RBMS1: variants seen among roughly 807,000 people sequenced by gnomAD.
RBMS1 encodes the protein RNA binding motif single stranded interacting protein 1.
A neutral mutation model predicts 62.3 loss-of-function variants in RBMS1; 17 were observed. The ratio of observed to expected loss-of-function variants is 0.27; its 90% CI spans 0.19 to 0.41. The LOEUF is 0.41. Among genes scored for constraint, RBMS1 ranks in the 10% least tolerant of loss-of-function variants. RBMS1 has a pLI of 1.00. For synonymous variants in RBMS1, 172 were observed against 170.0 expected (o/e 1.01, Z -0.09); for missense variants, 334 against 504.5 (o/e 0.66, Z 3.24).
intron 1 of RBMS1, among the ~76,000 whole-genome samples, chr2:160,481,440 T>C (rs976169688): frequency 4.6e-5 from 7 of 150,952 alleles, no homozygotes; most frequent in Admixed American, 2.0e-4. Flanking sequence ...TCATAAAAGA[T>C]TGGTAAATTT....
At chr2:160,411,084 G>A (rs1417140922) in intron 1 of RBMS1, among the ~76,000 whole-genome samples, 5 of 152,134 alleles carry the variant, frequency 3.3e-5, no homozygotes. Flanking sequence ...TGCTGCCTGG[G>A]CTGTCCTATG....
At chr2:160,438,929 G>A (rs1241281101) in intron 1 of RBMS1, among the ~76,000 whole-genome samples, 1 of 150,310 alleles carries the variant, frequency 6.7e-6, no homozygotes, top group Non-Finnish European at 1.5e-5. Flanking sequence ...GCGGCTGGCC[G>A]GGCAGAGGGG....
intron 2 of RBMS1, among the ~76,000 whole-genome samples, chr2:160,337,782 C>T (rs1691658234): frequency 6.6e-6 from 1 of 152,136 alleles, no homozygotes; most frequent in Admixed American, 6.5e-5. Context: ...AATTTAACCA[C>T]ATGATGTTAG....
intron 7 of RBMS1, 27 bp from the exon 8 acceptor site, chr2:160,285,071 C>A: frequency 6.3e-7 from 1 of 1,598,778 alleles, no homozygotes; most frequent in Non-Finnish European, 8.6e-7. Flanking sequence ...GAAATATAAA[C>A]ATTCATCTAG....
chr2:160,393,690 G>A (rs532964214), intron 1 of RBMS1, among the ~76,000 whole-genome samples: 14 of 151,204 alleles, frequency 9.3e-5, no homozygotes, highest in South Asian at 4.2e-4. Context: ...GGCAGGAGAC[G>A]CACTTGAATC....
At chr2:160,349,318 T>C (rs1403312796) in intron 2 of RBMS1, among the ~76,000 whole-genome samples, 3 of 152,170 alleles carry the variant, frequency 2.0e-5, no homozygotes, top group African/African-American at 7.2e-5. Context: ...CACTGCTTAA[T>C]AGATGTATTT....
chr2:160,287,549 T>C (rs1271302114), intron 6 of RBMS1, among the ~76,000 whole-genome samples: 2 of 152,248 alleles, frequency 1.3e-5, no homozygotes, highest in Non-Finnish European at 2.9e-5. Context: ...TGCTCGCACA[T>C]ATATTTTTAT....
intron 1 of RBMS1, among the ~76,000 whole-genome samples, chr2:160,482,528 GA>G (rs1685413407): frequency 6.6e-6 from 1 of 152,126 alleles, no homozygotes; most frequent in African/African-American, 2.4e-5. Flanking sequence ...AGTATTTACT[GA>G]ATTTAATTAA....
At chr2:160,310,021 A>C in intron 4 of RBMS1, among the ~76,000 whole-genome samples, 1 of 152,294 alleles carries the variant, frequency 6.6e-6, no homozygotes, top group Non-Finnish European at 1.5e-5. Flanking sequence ...TTAACATCAT[A>C]ATCTGTTCCT....
At chr2:160,339,718 A>T (rs147027884) in intron 2 of RBMS1, among the ~76,000 whole-genome samples, 292 of 152,248 alleles carry the variant, frequency 1.9e-3, no homozygotes, top group African/African-American at 6.4e-3. Context: ...ATATATATAC[A>T]CACACATACA....
chr2:160,337,766 T>C (rs1691657002), intron 2 of RBMS1, among the ~76,000 whole-genome samples: 1 of 152,134 alleles, frequency 6.6e-6, no homozygotes, highest in Non-Finnish European at 1.5e-5. Flanking sequence ...TTGTCTGAGA[T>C]ACCAAAATTT....
intron 2 of RBMS1, among the ~76,000 whole-genome samples, chr2:160,339,268 TG>T (rs932510743): frequency 1.3e-5 from 2 of 152,216 alleles, no homozygotes; most frequent in African/African-American, 4.8e-5. Flanking sequence ...CTGAAACAAA[TG>T]TTTTCATTTT....
intron 3 of RBMS1, 45 bp from the exon 4 acceptor site, chr2:160,313,292 G>A (rs547986209): frequency 2.5e-6 from 4 of 1,579,320 alleles, no homozygotes; most frequent in Non-Finnish European, 3.5e-6. Flanking sequence ...TTATTCTGTG[G>A]TTAGGTAAAA....
At chr2:160,489,412 G>T (rs983072655) in intron 1 of RBMS1, among the ~76,000 whole-genome samples, 2 of 152,128 alleles carry the variant, frequency 1.3e-5, no homozygotes, top group Non-Finnish European at 2.9e-5. Context: ...TATTATGCCT[G>T]TGTACTTCCA....
At chr2:160,303,928 A>G (rs1024433770) in intron 4 of RBMS1, among the ~76,000 whole-genome samples, 5 of 152,196 alleles carry the variant, frequency 3.3e-5, no homozygotes, top group African/African-American at 1.2e-4. Context: ...CTAGCATCCA[A>G]TAGGGATCTG....
chr2:160,307,361 G>GA (rs762396045), intron 4 of RBMS1, among the ~76,000 whole-genome samples: 12,848 of 85,656 alleles, frequency 0.15, 1,187 homozygotes, highest in East Asian at 0.27. Flanking sequence ...CCTATTTATT[G>GA]AAAAAAAAAA....
At chr2:160,377,346 CAG>C (rs1476521665) in intron 1 of RBMS1, among the ~76,000 whole-genome samples, 1 of 152,148 alleles carries the variant, frequency 6.6e-6, no homozygotes, top group African/African-American at 2.4e-5. Context: ...GGTTAAAAAA[CAG>C]TGGTCAGCAG....
At chr2:160,313,072 C>T (rs1262992751) in intron 4 of RBMS1, 84 bp downstream of exon 4, 3 of 1,314,104 alleles carry the variant, frequency 2.3e-6, no homozygotes, top group African/African-American at 2.9e-5. Flanking sequence ...GGGGAGATTA[C>T]AGATGCAGAT....
In RBMS1 at chr2:160,429,897, T is replaced by G. The variant is rs367780512; in HGVS notation, c.76-62506A>C. Among the ~76,000 whole-genome samples, 8 of 152,366 alleles carry G rather than the reference T, an allele frequency of 5.3e-5. No individual in the cohort carries two copies. In the East Asian group the frequency reaches 1.2e-3, roughly 22 times the overall value. ...CCTAAGGGATGGCCCTGTGTGACAG[T>G]AGAATGCAGAAGTATGGCTGAGTGA... On this transcript the variant is annotated intron_variant, in intron 1 of 13. Transcript: ENST00000348849.
Sources: gnomAD v4.1 joint callset for allele counts (sites outside exome capture counted in the v4.1 genomes callset) on GRCh38, gnomAD v4.1.1 for gene constraint, MANE v1.5 for transcripts, NCBI Gene and HGNC (gene_info 2026-07-23, HGNC 2026-07-21) for gene names.